The following FKBP15 variants were observed in gnomAD, a reference collection of about 807,000 sequenced individuals.
The protein encoded by FKBP15 is FKBP prolyl isomerase family member 15.
In FKBP15, 106 loss-of-function variants were observed where a neutral mutation model predicts 158.1. The observed-to-expected ratio is 0.67, with a 90% CI of 0.57 to 0.79. The LOEUF is 0.79. FKBP15 is among the 30% of genes least tolerant of loss of function. The probability of loss-of-function intolerance (pLI) is 0.00; values close to 1 mark genes in which losing one functional copy is unlikely to be tolerated. For synonymous variants in FKBP15, 547 were observed against 548.6 expected, an observed-to-expected ratio of 1.00 and a Z score of 0.04; for missense variants, 1,287 against 1,479.1, an observed-to-expected ratio of 0.87 and a Z score of 2.13.
At chr9:113,171,836 A>G in intron 23 of FKBP15, 130 bp from the exon 24 acceptor site, 1 of 771,978 alleles carries the variant, frequency 1.3e-6, no homozygotes, top group Admixed American at 3.8e-5. Context: ...AGACAATTTT[A>G]TTTCAAATTC....
At chr9:113,203,637 C>T (rs919256684) in intron 4 of FKBP15, among the ~76,000 whole-genome samples, 3 of 151,838 alleles carry the variant, frequency 2.0e-5, no homozygotes, top group African/African-American at 4.8e-5. Context: ...AAGCAATTCT[C>T]CTGCCTCAGG....
At chr9:113,193,386 G>T in intron 11 of FKBP15, 106 bp downstream of exon 11, 1 of 792,740 alleles carries the variant, frequency 1.3e-6, no homozygotes, top group Non-Finnish European at 2.0e-6. Flanking sequence ...TGTTGCCTAG[G>T]CTGGTCTTGA....
At chr9:113,169,149 C>T in intron 26 of FKBP15, 75 bp downstream of exon 26, 1 of 1,504,132 alleles carries the variant, frequency 6.6e-7, no homozygotes, top group Non-Finnish European at 8.9e-7. Flanking sequence ...GGATGAGTTG[C>T]CAGCCCTGGA....
rs770377927 is a variant in FKBP15 at position 113,162,802 on chromosome 9, T to A, written c.*3276A>T. On this transcript the variant is annotated 3_prime_UTR_variant, in exon 28 of 28. Transcript: ENST00000238256. The stretch of plus-strand genomic sequence containing the variant: ...CTAATCCATGTCATCCAGGTGGTCA[T>A]CGGCTACTTCATCATGCTGGCCGTA... 3 of 1,613,914 alleles carry A rather than the reference T, an allele frequency of 1.9e-6. No individual in the cohort carries two copies. The highest frequency in any genetic ancestry group is 1.7e-4 in the Middle Eastern group (1 of 6,060).
chr9:113,171,655 G>A lies in FKBP15; in HGVS notation c.2584C>T (p.His862Tyr). The change falls in exon 24 of 28, where the codon CAC (histidine) becomes TAC (tyrosine). Residue 862 changes from histidine to tyrosine, a missense_variant. Physicochemically the swap from His to Tyr is moderately conservative, Grantham distance 83 (BLOSUM62 2). Coordinates refer to ENST00000238256, the MANE Select transcript of FKBP15 (RefSeq NM_015258.2). Reference protein sequence around the residue: ...ITALTKQNEQHIKELEKNKSQ... With the variant: ...ITALTKQNEQYIKELEKNKSQ... ...TTGTTCTTCTCTAGTTCCTTGATGT[G>A]CTGTTCATTTTGCTTGGTGAGAGCT... is the stretch of plus-strand genomic sequence containing the variant. The A allele has an allele frequency of 6.2e-7, 1 of 1,603,400 alleles. No homozygotes were observed. Among genetic ancestry groups the A allele is most frequent in the Non-Finnish European group, 8.5e-7 (1 of 1,174,750 alleles).
chr9:113,194,035 G>A lies in FKBP15; in HGVS notation c.999C>T (p.Phe333=). ...PVVSPPTSIP[F]KSGEPALRTK... The stretch of plus-strand genomic sequence containing the variant: ...CAACTGCAGTATCTTACCCTGATTT[G>A]AAAGGTATTGATGTGGGTGGTGACA... Residue 333 remains phenylalanine, a synonymous_variant, in exon 10 of 28, where the codon TTC becomes TTT. Coordinates refer to ENST00000238256, the MANE Select transcript of FKBP15 (RefSeq NM_015258.2). 2 of 1,610,102 alleles carry A rather than the reference G, an allele frequency of 1.2e-6. No individual in the cohort carries two copies. The highest frequency in any genetic ancestry group is 1.7e-6 in the Non-Finnish European group (2 of 1,177,512).
rs1830191655 is a variant in FKBP15, at chr9:113,170,637, A to G, written c.2659-8T>C. On this transcript the variant is annotated splice_polypyrimidine_tract_variant and splice_region_variant and intron_variant, in intron 24 of 27. Transcript: ENST00000238256. ...GTTCATGATCTTCTTGACCTGTGTG[A>G]ACATCAAAACACATGCTGTCAAAAT... 6.3e-7 allele frequency: 1 copy of G among 1,589,220 alleles called. No homozygotes were observed. The highest frequency in any genetic ancestry group is 8.6e-7 in the Non-Finnish European group (1 of 1,157,424).
Position 113,213,401 on chromosome 9 carries a change from C to T in FKBP15, c.54-1809G>A, listed in dbSNP as rs553186517. 8.7e-5 allele frequency among the ~76,000 whole-genome samples: 13 copies of T among 148,742 alleles called. No homozygotes were observed. The East Asian group carries it at 2.5e-3, about 29-fold the overall frequency. On this transcript the variant is annotated intron_variant, in intron 1 of 27. Coordinates refer to ENST00000238256, the MANE Select transcript of FKBP15 (RefSeq NM_015258.2). ...TCCAGCCTAGGCAACGAGAGCGAAA[C>T]TCCGTCTCCAAAAAAAAAAAAAATT...
Position 113,183,747 on chromosome 9 carries a change from T to C in FKBP15, c.1811+4A>G, listed in dbSNP as rs1830440414. ...TCCTAGCCAGGCCCCGTACCTGTCA[T>C]TACCTCTGATTTCGTTCAATTAGTT... On this transcript the variant is annotated splice_donor_region_variant and intron_variant, in intron 18 of 27. Transcript: ENST00000238256. 6.2e-7 allele frequency: 1 copy of C among 1,607,328 alleles called. No homozygotes were observed. Among genetic ancestry groups the C allele is most frequent in the Admixed American group, 1.7e-5 (1 of 59,962 alleles).
At position 113,161,623 on chromosome 9, in the gene FKBP15, GC is replaced by G; in HGVS notation, c.*4454del. On this transcript the variant is annotated 3_prime_UTR_variant, in exon 28 of 28. Transcript: ENST00000238256. ...CTGGTGAACCTGCCAACCTCCATCA[GC>G]CAGCAGACCATCGCAGAGACAGACG... 1 of 1,614,052 alleles carries G rather than the reference GC, an allele frequency of 6.2e-7. No individual in the cohort carries two copies. Among genetic ancestry groups the G allele is most frequent in the East Asian group, 2.2e-5 (1 of 44,878 alleles).
chr9:113,195,363 T>C (rs758803242), intron 9 of FKBP15, among the ~76,000 whole-genome samples: 8 of 152,220 alleles, frequency 5.3e-5, no homozygotes, highest in Non-Finnish European at 7.3e-5. Context: ...CTTTGATTAT[T>C]GGTAAAACAG....
At chr9:113,182,420 C>G (rs866110895) in intron 19 of FKBP15, among the ~76,000 whole-genome samples, 1 of 152,168 alleles carries the variant, frequency 6.6e-6, no homozygotes, top group East Asian at 1.9e-4. Context: ...AAGGAGCAAA[C>G]AATCTTAAAT....
intron 6 of FKBP15, 93 bp from the exon 7 acceptor site, chr9:113,200,056 C>A: frequency 1.5e-6 from 2 of 1,349,040 alleles, no homozygotes; most frequent in Non-Finnish European, 2.0e-6. Flanking sequence ...ATAGCTTCAT[C>A]CACTAACAAA....
chr9:113,206,071 T>C (rs12376365), intron 4 of FKBP15: 6,835 of 156,516 alleles, frequency 0.044, 209 homozygotes, highest in Non-Finnish European at 0.066. Flanking sequence ...GGGAAATGGA[T>C]AGTAGTGATG....
Position 113,176,599 on chromosome 9 carries a change from T to C in FKBP15, c.2161A>G (p.Lys721Glu). 6.3e-7 allele frequency: 1 copy of C among 1,588,084 alleles called. No homozygotes were observed. Among genetic ancestry groups the C allele is most frequent in the Non-Finnish European group, 8.6e-7 (1 of 1,164,666 alleles). ...EKQNRKQLELKVTSLEEELTD... is the reference protein window; with the variant it reads ...EKQNRKQLELEVTSLEEELTD... ...AGTTCCTCCTCCAGGGATGTCACCT[T>C]GAGTTCCAGTTGTTTCCGGTTCTGC... is the stretch of plus-strand genomic sequence containing the variant. Residue 721 changes from lysine (K) to glutamate (E), a missense_variant, in exon 21 of 28, where the codon AAG becomes GAG. Transcript: ENST00000238256.
rs1373134286 is a variant in FKBP15 at position 113,213,684 on chromosome 9, T to C, written c.54-2092A>G. Among the ~76,000 whole-genome samples, 4 of 152,036 alleles carry C rather than the reference T, an allele frequency of 2.6e-5. No individual in the cohort carries two copies. The South Asian group carries it at 6.2e-4, about 24-fold the overall frequency. ...AAGATCTGAGCTAGTATGCTTGCCA[T>C]GTGATGCCCCATGCCATCTCAGGAC... On this transcript the variant is annotated intron_variant, in intron 1 of 27. Transcript: ENST00000238256.
At chr9:113,183,873 T>C (rs1264331021) in intron 17 of FKBP15, 28 bp from the exon 18 acceptor site, 1 of 1,550,210 alleles carries the variant, frequency 6.5e-7, no homozygotes, top group African/African-American at 1.4e-5. Context: ...GATGTACAAT[T>C]TAAGTGTCTT....
intron 7 of FKBP15, 62 bp downstream of exon 7, chr9:113,199,752 C>A: frequency 6.6e-7 from 1 of 1,507,618 alleles, no homozygotes; most frequent in Non-Finnish European, 9.0e-7. Flanking sequence ...TAGTATCTTC[C>A]CTGGGAATAG....
At chr9:113,199,005 A>G (rs928999830) in intron 7 of FKBP15, 82 bp from the exon 8 acceptor site, 1 of 881,074 alleles carries the variant, frequency 1.1e-6, no homozygotes, top group Non-Finnish European at 1.8e-6. Context: ...ACTACATACC[A>G]GCACACTACT....
Sources: allele counts gnomAD v4.1 joint callset (sites outside exome capture counted in the v4.1 genomes callset), GRCh38; gene constraint gnomAD v4.1.1; transcripts MANE v1.5; gene names NCBI Gene and HGNC (gene_info 2026-07-23, HGNC 2026-07-21).